MECOM: variants seen among roughly 807,000 people sequenced by gnomAD.
MECOM encodes MDS1 and EVI1 complex locus, also known as histone-lysine N-methyltransferase MECOM.
In MECOM, 13 loss-of-function variants were observed where a neutral mutation model predicts 116.3. The ratio of observed to expected loss-of-function variants is 0.11; its 90% CI spans 0.07 to 0.18. The LOEUF (loss-of-function observed/expected upper bound fraction) is 0.18, where lower values mean the gene tolerates loss of function less well. MECOM is among the 10% of genes least tolerant of loss of function. The pLI, the probability that MECOM is intolerant of heterozygous loss-of-function variation, is 1.00. For missense variants in MECOM, 1,299 were observed against 1,509.0 expected (o/e 0.86, Z 2.31); for synonymous variants, 528 against 535.2 (o/e 0.99, Z 0.19).
At chr3:169,113,693 C>T (rs1191802969) in intron 8 of MECOM, among the ~76,000 whole-genome samples, 3 of 151,520 alleles carry the variant, frequency 2.0e-5, no homozygotes, top group African/African-American at 7.3e-5. Context: ...TTTCTTTTAC[C>T]AACTTGGTAA....
chr3:169,470,538 A>G (rs1279316808), intron 1 of MECOM, among the ~76,000 whole-genome samples: 1 of 152,172 alleles, frequency 6.6e-6, no homozygotes, highest in Non-Finnish European at 1.5e-5. Flanking sequence ...CAGTTCTGCC[A>G]TGAAAGCAGG....
chr3:169,658,117 G>A (rs1775751945), intron 1 of MECOM, among the ~76,000 whole-genome samples: 1 of 152,202 alleles, frequency 6.6e-6, no homozygotes, highest in Admixed American at 6.5e-5. Context: ...ATTTTAGAAA[G>A]AAGACCGTGG....
At chr3:169,242,223 G>C (rs1028795326) in intron 2 of MECOM, among the ~76,000 whole-genome samples, 1 of 152,070 alleles carries the variant, frequency 6.6e-6, no homozygotes, top group Non-Finnish European at 1.5e-5. Flanking sequence ...ATGTCCATTT[G>C]CATCTCAGCA....
At chr3:169,576,676 T>G (rs1764531665) in intron 1 of MECOM, among the ~76,000 whole-genome samples, 2 of 152,138 alleles carry the variant, frequency 1.3e-5, no homozygotes, top group Admixed American at 1.3e-4. Context: ...GGTAGTCATT[T>G]AAAATGTATT....
intron 1 of MECOM, among the ~76,000 whole-genome samples, chr3:169,455,011 G>C (rs1746237452): frequency 6.6e-6 from 1 of 152,102 alleles, no homozygotes; most frequent in African/African-American, 2.4e-5. Context: ...GTGTCATCAT[G>C]TCTGAGCAAG....
chr3:169,438,373 C>T (rs1434462031), intron 1 of MECOM, among the ~76,000 whole-genome samples: 1 of 152,066 alleles, frequency 6.6e-6, no homozygotes, highest in Non-Finnish European at 1.5e-5. Flanking sequence ...TTCAAGAGTC[C>T]GTAGTTTATT....
chr3:169,363,478 G>C (rs896545844), intron 2 of MECOM, among the ~76,000 whole-genome samples: 1 of 151,850 alleles, frequency 6.6e-6, no homozygotes, highest in Non-Finnish European at 1.5e-5. Flanking sequence ...TCTTTCTGGT[G>C]CTGCTTCTTG....
At chr3:169,107,057 A>G (rs1481290665) in intron 10 of MECOM, among the ~76,000 whole-genome samples, 1 of 152,222 alleles carries the variant, frequency 6.6e-6, no homozygotes, top group African/African-American at 2.4e-5. Context: ...TAGAGGAAAT[A>G]GGTTAGTGCT....
At chr3:169,125,310 C>T (rs1004011466) in intron 5 of MECOM, among the ~76,000 whole-genome samples, 4 of 152,016 alleles carry the variant, frequency 2.6e-5, no homozygotes, top group African/African-American at 7.2e-5. Flanking sequence ...CAGGGACATC[C>T]TCCAAAATCA....
At chr3:169,629,358 C>A (rs980983487) in intron 1 of MECOM, among the ~76,000 whole-genome samples, 4 of 151,982 alleles carry the variant, frequency 2.6e-5, no homozygotes, top group African/African-American at 9.7e-5. Context: ...TTTCTAGCCT[C>A]TGTGTATCTG....
At chr3:169,620,449 CT>C (rs1770573322) in intron 1 of MECOM, among the ~76,000 whole-genome samples, 1 of 152,214 alleles carries the variant, frequency 6.6e-6, no homozygotes, top group Non-Finnish European at 1.5e-5. Context: ...TCACTCTGCT[CT>C]TTCATTTTAG....
At chr3:169,464,520 T>C (rs1747976772) in intron 1 of MECOM, among the ~76,000 whole-genome samples, 1 of 152,058 alleles carries the variant, frequency 6.6e-6, no homozygotes, top group African/African-American at 2.4e-5. Flanking sequence ...TTATTACTTT[T>C]ATTCACTCTC....
chr3:169,092,614 T>G (rs937228662), intron 14 of MECOM, among the ~76,000 whole-genome samples: 1 of 152,048 alleles, frequency 6.6e-6, no homozygotes, highest in Non-Finnish European at 1.5e-5. Flanking sequence ...AGCTATCAGA[T>G]AGCTAAATCC....
chr3:169,149,329 A>G (rs1740749740), intron 2 of MECOM, among the ~76,000 whole-genome samples: 1 of 152,190 alleles, frequency 6.6e-6, no homozygotes, highest in Non-Finnish European at 1.5e-5. Flanking sequence ...AAACGTCGGT[A>G]GGAAAACAAA....
At chr3:169,118,243 T>C (rs1042981040) in intron 7 of MECOM, among the ~76,000 whole-genome samples, 7 of 152,174 alleles carry the variant, frequency 4.6e-5, no homozygotes, top group African/African-American at 1.7e-4. Flanking sequence ...AAGGTTAAAG[T>C]GTATTGTTGC....
chr3:169,376,013 G>A (rs1730971510), intron 2 of MECOM, among the ~76,000 whole-genome samples: 1 of 152,068 alleles, frequency 6.6e-6, no homozygotes, highest in South Asian at 2.1e-4. Flanking sequence ...TGGGATGCAA[G>A]GCTGGATCAA....
At chr3:169,484,987 CTTATTTAT>C (rs61274643) in intron 1 of MECOM, among the ~76,000 whole-genome samples, 2 of 151,514 alleles carry the variant, frequency 1.3e-5, no homozygotes, top group African/African-American at 4.9e-5. Flanking sequence ...TTTACTCTTG[CTTATTTAT>C]TTATTTATTT....
At chr3:169,089,604 A>C (rs1435320399) in intron 15 of MECOM, among the ~76,000 whole-genome samples, 1 of 152,128 alleles carries the variant, frequency 6.6e-6, no homozygotes, top group Non-Finnish European at 1.5e-5. Context: ...TATAGATCAC[A>C]TATATATCTA....
chr3:169,388,353 A>G (rs1733717002), intron 1 of MECOM, among the ~76,000 whole-genome samples: 1 of 152,180 alleles, frequency 6.6e-6, no homozygotes, highest in African/African-American at 2.4e-5. Context: ...CACCAGTAAC[A>G]CAGTGAATAA....
Sources: allele counts gnomAD v4.1 joint callset (sites outside exome capture counted in the v4.1 genomes callset), GRCh38; gene constraint gnomAD v4.1.1; transcripts MANE v1.5; gene names NCBI Gene and HGNC (gene_info 2026-07-23, HGNC 2026-07-21).